MYO1D: variants seen among roughly 807,000 people sequenced by gnomAD.
MYO1D encodes the protein unconventional myosin-Id.
Under a neutral mutation model 122.0 loss-of-function variants are expected in MYO1D, and 83 were observed. The ratio of observed to expected loss-of-function variants is 0.68; its 90% CI spans 0.57 to 0.82. The LOEUF is 0.82. Ranked by LOEUF, MYO1D falls within the 40% of genes least tolerant of loss-of-function variation. The pLI is 0.00. For synonymous variants in MYO1D, 464 were observed against 446.9 expected (o/e 1.04, Z -0.48); for missense variants, 1,157 against 1,269.5 (o/e 0.91, Z 1.35).
chr17:32,715,668 T>G (rs1216640342), intron 15 of MYO1D, among the ~76,000 whole-genome samples: 1 of 152,122 alleles, frequency 6.6e-6, no homozygotes, highest in Non-Finnish European at 1.5e-5. Flanking sequence ...ATGTATATTT[T>G]ATAAGTATAT....
At chr17:32,553,090 A>G (rs994498862) in intron 21 of MYO1D, among the ~76,000 whole-genome samples, 1 of 132,718 alleles carries the variant, frequency 7.5e-6, no homozygotes, top group Non-Finnish European at 1.5e-5. Flanking sequence ...AAAAAAAAAA[A>G]CAAAAAACAA....
At chr17:32,618,321 T>C (rs1459862737) in intron 20 of MYO1D, among the ~76,000 whole-genome samples, 1 of 152,214 alleles carries the variant, frequency 6.6e-6, no homozygotes, top group Non-Finnish European at 1.5e-5. Flanking sequence ...ATATCATTGA[T>C]TGACAAGGGC....
At chr17:32,817,046 C>T (rs1315267832) in intron 1 of MYO1D, among the ~76,000 whole-genome samples, 1 of 152,218 alleles carries the variant, frequency 6.6e-6, no homozygotes, top group East Asian at 1.9e-4. Flanking sequence ...AGATGTATTG[C>T]TATAAATAAA....
chr17:32,685,784 G>C (rs1338495264), intron 16 of MYO1D, among the ~76,000 whole-genome samples: 1 of 152,178 alleles, frequency 6.6e-6, no homozygotes, highest in Non-Finnish European at 1.5e-5. Context: ...TGCTAACTTA[G>C]CTTTAAGTTA....
chr17:32,835,082 C>A (rs1206279819), intron 1 of MYO1D, among the ~76,000 whole-genome samples: 1 of 152,070 alleles, frequency 6.6e-6, no homozygotes, highest in East Asian at 1.9e-4. Context: ...AGGATATATA[C>A]AAGGTCCTGC....
At chr17:32,772,275 A>C (rs1379764352) in intron 5 of MYO1D, among the ~76,000 whole-genome samples, 1 of 152,160 alleles carries the variant, frequency 6.6e-6, no homozygotes, top group Admixed American at 6.5e-5. Flanking sequence ...TAAATACTCA[A>C]ATTTTTTTCT....
intron 13 of MYO1D, among the ~76,000 whole-genome samples, chr17:32,740,758 A>T (rs778754493): frequency 3.5e-4 from 53 of 152,198 alleles, no homozygotes; most frequent in Non-Finnish European, 7.3e-5. Context: ...TACAGGTGTC[A>T]GCCACCATGC....
chr17:32,786,550 T>G (rs1008849939), intron 1 of MYO1D, among the ~76,000 whole-genome samples: 2 of 152,264 alleles, frequency 1.3e-5, no homozygotes, highest in Admixed American at 6.5e-5. Context: ...CCGGGCGCAC[T>G]GGCTCACGCC....
intron 21 of MYO1D, among the ~76,000 whole-genome samples, chr17:32,507,941 G>A (rs1471382881): frequency 1.4e-5 from 2 of 147,332 alleles, no homozygotes; most frequent in Non-Finnish European, 3.0e-5. Context: ...CTGTCGCCCA[G>A]GCTAGAGGGC....
rs568194514 is a variant in MYO1D at position 32,585,714 on chromosome 17, G to T, written c.2864+19373C>A. 4.0e-5 allele frequency among the ~76,000 whole-genome samples: 6 copies of T among 149,478 alleles called. No homozygotes were observed. In the South Asian group the frequency reaches 1.3e-3, roughly 32 times the overall value. On this transcript the variant is annotated intron_variant, in intron 21 of 21. Coordinates refer to ENST00000318217, the MANE Select transcript of MYO1D (RefSeq NM_015194.3). ...CACTGCACTCCAGCACTCCAGTCTG[G>T]GCAACAGAGCAAGAATCCGTCTCAA...
chr17:32,644,525 C>G (rs1334568615), intron 19 of MYO1D, among the ~76,000 whole-genome samples: 1 of 152,116 alleles, frequency 6.6e-6, no homozygotes, highest in African/African-American at 2.4e-5. Context: ...GTTAAAGTCT[C>G]CCATTATTAT....
chr17:32,768,059 C>A (rs1461573868), intron 6 of MYO1D, among the ~76,000 whole-genome samples: 1 of 152,212 alleles, frequency 6.6e-6, no homozygotes, highest in Non-Finnish European at 1.5e-5. Context: ...TCAGTGAAGG[C>A]AACAGCATGG....
Position 32,494,717 on chromosome 17 carries a change from C to A in MYO1D, c.*42G>T. On this transcript the variant is annotated 3_prime_UTR_variant, in exon 22 of 22. Transcript: ENST00000318217. ...GCAGCAGCTGGACTGGGACCCAGGA[C>A]TCGGAGTGTGGCCGGGCTCCGGGCC... is the stretch of plus-strand genomic sequence containing the variant. 1 of 1,541,640 alleles carries A rather than the reference C, an allele frequency of 6.5e-7. No homozygotes were observed.
chr17:32,554,043 T>C (rs375036533), intron 21 of MYO1D, among the ~76,000 whole-genome samples: 74 of 152,356 alleles, frequency 4.9e-4, no homozygotes, highest in African/African-American at 1.7e-3. Context: ...AACCGTGATC[T>C]ACCAACTCAC....
intron 1 of MYO1D, among the ~76,000 whole-genome samples, chr17:32,807,801 A>G (rs2090530667): frequency 6.6e-6 from 1 of 151,144 alleles, no homozygotes; most frequent in Non-Finnish European, 1.5e-5. Context: ...CTGAGAAATA[A>G]GCCTTCTTAC....
intron 1 of MYO1D, among the ~76,000 whole-genome samples, chr17:32,802,851 C>T (rs898456579): frequency 2.0e-5 from 3 of 152,154 alleles, no homozygotes; most frequent in African/African-American, 7.2e-5. Context: ...TTTTGTTCTT[C>T]AAATGATGCT....
At chr17:32,584,969 G>C (rs527726705) in intron 21 of MYO1D, among the ~76,000 whole-genome samples, 15 of 152,256 alleles carry the variant, frequency 9.9e-5, no homozygotes, top group Non-Finnish European at 1.8e-4. Flanking sequence ...ATTCCTAATA[G>C]GTCTGTTAAT....
At chr17:32,727,329 A>G (rs1451157842) in intron 14 of MYO1D, among the ~76,000 whole-genome samples, 1 of 152,222 alleles carries the variant, frequency 6.6e-6, no homozygotes, top group African/African-American at 2.4e-5. Context: ...ACAGGACCAA[A>G]TATCTCTTAG....
chr17:32,855,732 T>C (rs1456264769), intron 1 of MYO1D, among the ~76,000 whole-genome samples: 1 of 152,192 alleles, frequency 6.6e-6, no homozygotes, highest in Non-Finnish European at 1.5e-5. Context: ...TTGGCAACTA[T>C]TACAAATCAA....
Sources: allele counts gnomAD v4.1 joint callset (sites outside exome capture counted in the v4.1 genomes callset), GRCh38; gene constraint gnomAD v4.1.1; transcripts MANE v1.5; gene names NCBI Gene and HGNC (gene_info 2026-07-23, HGNC 2026-07-21).